The following CDKL1 variants were observed in gnomAD, a reference collection of about 807,000 sequenced individuals.
CDKL1 encodes the protein cyclin-dependent kinase-like 1.
A neutral mutation model predicts 42.0 loss-of-function variants in CDKL1; 41 were observed. That is an observed-to-expected ratio of 0.98 (90% CI 0.76 to 1.27). The LOEUF is 1.27. Among genes scored for constraint, CDKL1 ranks in the 50% most tolerant of loss-of-function variants. The pLI is 0.00. For synonymous variants in CDKL1, 153 were observed against 158.6 expected (o/e 0.96, Z 0.26); for missense variants, 394 against 428.4 (o/e 0.92, Z 0.71).
At position 50,358,954 on chromosome 14, in the gene CDKL1, A is replaced by T. The variant is rs377466229; in HGVS notation, c.290+74T>A. The T allele has an allele frequency of 7.3e-6, 11 of 1,501,760 alleles. No individual in the cohort carries two copies. The African/African-American group carries it at 1.2e-4, about 17-fold the overall frequency. 93.0% of individuals were successfully genotyped at this position (1,501,760 alleles called of 1,614,324 possible). On this transcript the variant is annotated intron_variant, in intron 3 of 9. Transcript: ENST00000395834. ...TGCACCCGGCCTTACCTAGTCTTAA[A>T]AAGAGTCATTGCCACTTTTCGCTCA...
chr14:50,343,154 A>AAATT, intron 4 of CDKL1: 1 of 265,296 alleles, frequency 3.8e-6, no homozygotes, highest in Non-Finnish European at 5.7e-6. Context: ...ATTAAGAGTT[A>AAATT]CTTTTTTTTT....
chr14:50,347,478 T>C (rs2033766232), intron 3 of CDKL1, among the ~76,000 whole-genome samples: 1 of 152,158 alleles, frequency 6.6e-6, no homozygotes, highest in Non-Finnish European at 1.5e-5. Flanking sequence ...GTGGCCAGAT[T>C]TGGGCTATAT....
chr14:50,380,556 TCTCCAGCA>T (rs1200179778), intron 2 of CDKL1, among the ~76,000 whole-genome samples: 1 of 152,226 alleles, frequency 6.6e-6, no homozygotes, highest in Admixed American at 6.5e-5. Context: ...CTAAGTTAAC[TCTCCAGCA>T]CTCTGTCACC....
chr14:50,335,028 G>A (rs529577600), intron 7 of CDKL1: 18 of 196,260 alleles, frequency 9.2e-5, no homozygotes, highest in African/African-American at 1.2e-4. Context: ...GGCTGGGTGC[G>A]GTGGCTCATG....
intron 2 of CDKL1, among the ~76,000 whole-genome samples, chr14:50,370,416 C>A (rs1191367591): frequency 6.6e-6 from 1 of 152,184 alleles, no homozygotes. Flanking sequence ...CAACTGTATT[C>A]ACCATGCTGT....
intron 3 of CDKL1, chr14:50,356,950 G>A (rs905190730): frequency 6.6e-6 from 1 of 151,890 alleles, no homozygotes; most frequent in Non-Finnish European, 1.5e-5. Context: ...CAAACTATAT[G>A]CCAAAAAAAG....
intron 9 of CDKL1, chr14:50,331,239 A>T (rs569446970): frequency 6.6e-6 from 1 of 152,266 alleles, no homozygotes; most frequent in Non-Finnish European, 1.5e-5. Context: ...TCTCAAAAAA[A>T]ATCAATACAC....
At chr14:50,363,613 C>G (rs11570804) in intron 2 of CDKL1, among the ~76,000 whole-genome samples, 32 of 152,336 alleles carry the variant, frequency 2.1e-4, no homozygotes, top group Admixed American at 1.1e-3. Flanking sequence ...GACTTTGAAT[C>G]TTAGAATTCT....
chr14:50,332,420 T>C lies in CDKL1; in HGVS notation c.808A>G (p.Met270Val), dbSNP rs1467997067. The C allele has an allele frequency of 2.5e-5, 40 of 1,610,678 alleles. No homozygotes were observed. The highest frequency in any genetic ancestry group is 3.3e-5 in the Non-Finnish European group (39 of 1,179,134). ...CATGTCAGCCTTTGAGTAGGGTCCATGTGGAGACAGCCCTAAAAGAACAGA... is the reference window on the plus strand; with the variant it reads ...CATGTCAGCCTTTGAGTAGGGTCCACGTGGAGACAGCCCTAAAAGAACAGA... ...ALGLLKGCLH[M>V]DPTQRLTCEQ... Residue 270 changes from methionine to valine, a missense_variant, in exon 9 of 10, where the codon ATG becomes GTG. Physicochemically the swap from Met to Val is conservative, Grantham distance 21 (BLOSUM62 1). Transcript: ENST00000395834.
chr14:50,372,527 G>A (rs866157534), intron 2 of CDKL1, among the ~76,000 whole-genome samples: 4 of 152,084 alleles, frequency 2.6e-5, no homozygotes, highest in Non-Finnish European at 5.9e-5. Context: ...TTTCTTTACT[G>A]TGCAGAAACT....
intron 6 of CDKL1, among the ~76,000 whole-genome samples, chr14:50,339,767 A>G (rs2033444297): frequency 6.6e-6 from 1 of 152,196 alleles, no homozygotes; most frequent in Non-Finnish European, 1.5e-5. Flanking sequence ...CATTTCCATC[A>G]CATCAGCTAA....
chr14:50,395,227 C>T (rs2035364274), intron 2 of CDKL1, among the ~76,000 whole-genome samples: 1 of 152,194 alleles, frequency 6.6e-6, no homozygotes. Flanking sequence ...CCTATACTAT[C>T]AAATTGTAAT....
At chr14:50,379,607 C>T (rs2034844030) in intron 2 of CDKL1, among the ~76,000 whole-genome samples, 1 of 152,162 alleles carries the variant, frequency 6.6e-6, no homozygotes, top group Non-Finnish European at 1.5e-5. Flanking sequence ...TCACAGAAAT[C>T]TGTGCTAATA....
chr14:50,336,369 G>A, intron 7 of CDKL1: 1 of 759,824 alleles, frequency 1.3e-6, no homozygotes, highest in South Asian at 1.8e-5. Context: ...TTCACCAACA[G>A]ACAAGTGAAC....
chr14:50,346,550 C>T (rs1457829433), intron 3 of CDKL1, among the ~76,000 whole-genome samples: 1 of 151,830 alleles, frequency 6.6e-6, no homozygotes, highest in Admixed American at 6.6e-5. Context: ...ACTTTGGACT[C>T]CTGGACTTAA....
At chr14:50,371,658 GTGTGCT>G (rs2034593857) in intron 2 of CDKL1, among the ~76,000 whole-genome samples, 1 of 152,236 alleles carries the variant, frequency 6.6e-6, no homozygotes, top group Non-Finnish European at 1.5e-5. Flanking sequence ...AGCCATGGCT[GTGTGCT>G]CCCTGGAGCT....
intron 9 of CDKL1, 185 bp downstream of exon 9, chr14:50,332,077 T>G: frequency 1.3e-6 from 2 of 1,559,114 alleles, no homozygotes; most frequent in South Asian, 2.3e-5. Context: ...AGGGCACCTT[T>G]AGGATTCAGG....
At chr14:50,340,900 A>ACTCCATTAAAGGT in intron 6 of CDKL1, 132 bp downstream of exon 6, 1 of 867,678 alleles carries the variant, frequency 1.2e-6, no homozygotes, top group Non-Finnish European at 1.7e-6. Context: ...CATTTAAATG[A>ACTCCATTAAAGGT]GGCTTCGAGT....
intron 1 of CDKL1, 128 bp from the exon 2 acceptor site, chr14:50,396,457 C>T (rs2035410165): frequency 7.1e-6 from 7 of 985,008 alleles, no homozygotes; most frequent in Non-Finnish European, 8.4e-6. Context: ...GTTAAATACC[C>T]TGTAAGTTAA....
Sources: allele counts gnomAD v4.1 joint callset (sites outside exome capture counted in the v4.1 genomes callset), GRCh38; gene constraint gnomAD v4.1.1; transcripts MANE v1.5; gene names NCBI Gene and HGNC (gene_info 2026-07-23, HGNC 2026-07-21).